Variants in COMMD2 observed in about 807,000 individuals in gnomAD.
COMMD2 encodes COMM domain containing 2.
COMMD2 carries 25 observed loss-of-function variants against 22.5 expected under a neutral mutation model. The ratio of observed to expected loss-of-function variants is 1.11; its 90% CI spans 0.81 to 1.55. The LOEUF (loss-of-function observed/expected upper bound fraction) is 1.55, where lower values mean the gene tolerates loss of function less well. Ranked by LOEUF, COMMD2 falls within the 40% of genes most tolerant of loss-of-function variation. The probability of loss-of-function intolerance (pLI) is 0.00; values close to 1 mark genes in which losing one functional copy is unlikely to be tolerated. For synonymous variants in COMMD2, 98 were observed against 91.2 expected, an observed-to-expected ratio of 1.07 and a Z score of -0.42; for missense variants, 223 against 232.9, an observed-to-expected ratio of 0.96 and a Z score of 0.28.
chr3:149,752,267 T>C lies in COMMD2; in HGVS notation c.88A>G (p.Ile30Val). 1 of 1,613,970 alleles carries C rather than the reference T, an allele frequency of 6.2e-7. No homozygotes were observed. ...DSAVVAEFGR[I>V]AVEFLRRGAN... Reference sequence around the variant, plus strand: ...CCGCGTCTCAGGAATTCCACAGCAATCCGCCCAAACTCGGCGACCACTGCA... The same window carrying C: ...CCGCGTCTCAGGAATTCCACAGCAACCCGCCCAAACTCGGCGACCACTGCA... Residue 30 changes from isoleucine to valine, a missense_variant, in exon 2 of 5, where the codon ATT becomes GTT. Transcript: ENST00000473414.
intron 4 of COMMD2, among the ~76,000 whole-genome samples, chr3:149,749,008 GTCTC>G (rs752638239): frequency 4.2e-4 from 63 of 151,556 alleles, no homozygotes; most frequent in African/African-American, 1.1e-3. Context: ...TAATGTTACT[GTCTC>G]TCTCTCTTTT....
In COMMD2 at chr3:149,738,560, T is replaced by C. The variant is rs1016912926; in HGVS notation, c.*2961A>G. On this transcript the variant is annotated 3_prime_UTR_variant, in exon 5 of 5. Transcript: ENST00000473414. ...TATATACATGGTCTCATATAGTCCT[T>C]ACGAGTCAATGTGGTAGGTAATCCT... 2.6e-5 allele frequency: 4 copies of C among 152,050 alleles called. No homozygotes were observed. Among genetic ancestry groups the C allele is most frequent in the Non-Finnish European group, 5.9e-5 (4 of 67,948 alleles). 9.4% of individuals were successfully genotyped at this position (152,050 alleles called of 1,614,324 possible).
In COMMD2 at chr3:149,741,580, G is replaced by C; in HGVS notation, c.541C>G (p.Gln181Glu). 6.2e-7 allele frequency: 1 copy of C among 1,614,072 alleles called. No individual in the cohort carries two copies. The highest frequency in any genetic ancestry group is 8.5e-7 in the Non-Finnish European group (1 of 1,180,002). Residue 181 changes from glutamine to glutamate, a missense_variant, in exon 5 of 5, where the codon CAA becomes GAA. Transcript: ENST00000473414. ...TLLHLVQQLE[Q>E]ALEEMKTNHC... ...TTTGTCTTCATCTCTTCCAATGCTT[G>C]TTCCAGTTGTTGAACCAAATGGAGC...
In COMMD2 at chr3:149,741,471, TATC is replaced by T. The variant is rs756433750; in HGVS notation, c.*47_*49del. 55 of 1,369,056 alleles carry T rather than the reference TATC, an allele frequency of 4.0e-5. No individual in the cohort carries two copies. Among genetic ancestry groups the T allele is most frequent in the Admixed American group, 5.0e-5 (3 of 59,554 alleles). The allele number at this position is 1,369,056 out of a possible 1,614,324, so 84.8% of individuals were successfully genotyped here. On this transcript the variant is annotated 3_prime_UTR_variant, in exon 5 of 5. Coordinates refer to ENST00000473414, the MANE Select transcript of COMMD2 (RefSeq NM_016094.4). Reference sequence around the variant, plus strand: ...TTAATTTTGAAAAGTAATTGCTGTATATCATCAATTCATAAGTGATTCAAATGA... The same window carrying T: ...TTAATTTTGAAAAGTAATTGCTGTATATCAATTCATAAGTGATTCAAATGA...
chr3:149,743,819 C>T (rs1559854493), intron 4 of COMMD2, among the ~76,000 whole-genome samples: 2 of 152,158 alleles, frequency 1.3e-5, no homozygotes, highest in Admixed American at 6.5e-5. Context: ...TCTACACTGA[C>T]AGAGAGAGAC....
intron 4 of COMMD2, among the ~76,000 whole-genome samples, chr3:149,742,012 G>GA (rs1260621733): frequency 1.3e-5 from 2 of 151,680 alleles, no homozygotes; most frequent in African/African-American, 4.8e-5. Flanking sequence ...TAAAGATGGT[G>GA]AAAAAACAAG....
At chr3:149,751,658 G>A (rs1716535931) in intron 2 of COMMD2, 173 bp from the exon 3 acceptor site, 1 of 531,346 alleles carries the variant, frequency 1.9e-6, no homozygotes, top group Non-Finnish European at 3.2e-6. Flanking sequence ...CCAGCCAAAT[G>A]CCTTTGGTAT....
rs1295096118 is a variant in COMMD2 at position 149,752,256 on chromosome 3, T to C, written c.99A>G (p.Glu33=). The part of the protein sequence containing the change: ...VVAEFGRIAV[E]FLRRGANPKI... ...TTGGGTTTGCGCCGCGTCTCAGGAATTCCACAGCAATCCGCCCAAACTCGG... is the reference window on the plus strand; with the variant it reads ...TTGGGTTTGCGCCGCGTCTCAGGAACTCCACAGCAATCCGCCCAAACTCGG... Residue 33 remains glutamate (E), a synonymous_variant, in exon 2 of 5, where the codon GAA becomes GAG. Coordinates refer to ENST00000473414, the MANE Select transcript of COMMD2 (RefSeq NM_016094.4). 3 of 1,614,092 alleles carry C rather than the reference T, an allele frequency of 1.9e-6. No individual in the cohort carries two copies. The highest frequency in any genetic ancestry group is 2.5e-6 in the Non-Finnish European group (3 of 1,179,984).
intron 4 of COMMD2, among the ~76,000 whole-genome samples, chr3:149,747,947 CAAAAAAAAAAAAA>C (rs35936225): frequency 5.5e-4 from 31 of 55,996 alleles, no homozygotes; most frequent in Non-Finnish European, 8.4e-4. Flanking sequence ...GACTCCATCT[CAAAAAAAAAAAAA>C]AAAAAAAAAA....
intron 4 of COMMD2, among the ~76,000 whole-genome samples, chr3:149,743,242 C>CCCAA (rs1716284692): frequency 1.3e-5 from 2 of 152,008 alleles, no homozygotes; most frequent in African/African-American, 4.8e-5. Flanking sequence ...AAACACAAAA[C>CCCAA]TATAAACAAT....
intron 1 of COMMD2, 31 bp downstream of exon 1, chr3:149,752,347 C>T: frequency 6.2e-7 from 1 of 1,613,990 alleles, no homozygotes; most frequent in Non-Finnish European, 8.5e-7. Flanking sequence ...TCCTCCCCAG[C>T]CCACAGAACA....
intron 4 of COMMD2, among the ~76,000 whole-genome samples, chr3:149,747,510 G>A (rs763839887): frequency 6.6e-6 from 1 of 152,188 alleles, no homozygotes; most frequent in Non-Finnish European, 1.5e-5. Flanking sequence ...TAAACAGAAT[G>A]GCATAAAAAC....
rs773768894 is a variant in COMMD2, at chr3:149,752,216, C to T, written c.139G>A (p.Ala47Thr). 1 of 1,613,766 alleles carries T rather than the reference C, an allele frequency of 6.2e-7. No homozygotes were observed. Among genetic ancestry groups the T allele is most frequent in the Non-Finnish European group, 8.5e-7 (1 of 1,179,800 alleles). Residue 47 changes from alanine (A) to threonine (T), a missense_variant, in exon 2 of 5, where the codon GCC (alanine) becomes ACC (threonine). By Grantham distance (58) the Ala-to-Thr change is moderately conservative. Coordinates refer to ENST00000473414, the MANE Select transcript of COMMD2 (RefSeq NM_016094.4). ...TTCCCCTTTCCCTTCTTACTGGCGG[C>T]GCCTTCGTAGATTTTTGGGTTTGCG... is the stretch of plus-strand genomic sequence containing the variant. The part of the protein sequence containing the change: ...RGANPKIYEG[A>T]ARKLNVSSDT...
intron 4 of COMMD2, chr3:149,750,424 CA>C: frequency 1.9e-6 from 1 of 518,714 alleles, no homozygotes. Context: ...ATCTAGGCAC[CA>C]ACCTAAAAAA....
At chr3:149,748,895 G>C (rs1576660041) in intron 4 of COMMD2, among the ~76,000 whole-genome samples, 1 of 152,204 alleles carries the variant, frequency 6.6e-6, no homozygotes, top group African/African-American at 2.4e-5. Context: ...ATTTCACATA[G>C]AGGAAAAATA....
rs1042462814 is a variant in COMMD2, at chr3:149,739,835, A to T, written c.*1686T>A. The T allele has an allele frequency of 1.3e-5, 2 of 152,204 alleles. No individual in the cohort carries two copies. Among genetic ancestry groups the T allele is most frequent in the African/African-American group, 4.8e-5 (2 of 41,456 alleles). The allele number at this position is 152,204 out of a possible 1,614,324, so 9.4% of individuals were successfully genotyped here. ...TGATTATAGTTTGCTGACATCTAATAATATAGTTGTTTCACAACGGCAGAA... is the reference window on the plus strand; with the variant it reads ...TGATTATAGTTTGCTGACATCTAATTATATAGTTGTTTCACAACGGCAGAA... On this transcript the variant is annotated 3_prime_UTR_variant, in exon 5 of 5. Coordinates refer to ENST00000473414, the MANE Select transcript of COMMD2 (RefSeq NM_016094.4).
chr3:149,749,509 T>C (rs962576512), intron 4 of COMMD2, among the ~76,000 whole-genome samples: 2 of 152,230 alleles, frequency 1.3e-5, no homozygotes, highest in African/African-American at 2.4e-5. Context: ...CTGAACTCTA[T>C]ACCAATAAAT....
At chr3:149,745,207 A>C (rs1716336804) in intron 4 of COMMD2, among the ~76,000 whole-genome samples, 1 of 152,220 alleles carries the variant, frequency 6.6e-6, no homozygotes, top group Non-Finnish European at 1.5e-5. Flanking sequence ...TGAACCCTAC[A>C]AGACTTGCTG....
Position 149,752,396 on chromosome 3 carries a change from G to T in COMMD2, c.49C>A (p.Pro17Thr). 6.2e-7 allele frequency: 1 copy of T among 1,614,160 alleles called. No individual in the cohort carries two copies. Among genetic ancestry groups the T allele is most frequent in the South Asian group, 1.1e-5 (1 of 91,080 alleles). The change falls in exon 1 of 5, where the codon CCT becomes ACT. Residue 17 changes from proline to threonine, a missense_variant. Transcript: ENST00000473414. The part of the protein sequence containing the change: ...EEHKEHLAFL[P>T]QVDSAVVAEF... ...CGCTGACCCGCGCTGTCCACTTGAG[G>T]CAGGAAGGCCAGGTGTTCCTTATGC...
Sources: gnomAD v4.1 joint callset for allele counts (sites outside exome capture counted in the v4.1 genomes callset) on GRCh38, gnomAD v4.1.1 for gene constraint, MANE v1.5 for transcripts, NCBI Gene and HGNC (gene_info 2026-07-23, HGNC 2026-07-21) for gene names.